The following CYP26C1 variants were observed in gnomAD, a reference collection of about 807,000 sequenced individuals.
CYP26C1 encodes the protein cytochrome P450 family 26 subfamily C member 1.
CYP26C1 carries 41 observed loss-of-function variants against 39.1 expected under a neutral mutation model. That is an observed-to-expected ratio of 1.05 (90% CI 0.82 to 1.36). The LOEUF is 1.36. CYP26C1 is among the 40% of genes most tolerant of loss of function. The probability of loss-of-function intolerance (pLI) is 0.00; values close to 1 mark genes in which losing one functional copy is unlikely to be tolerated. For missense variants in CYP26C1, 833 were observed against 752.0 expected, an observed-to-expected ratio of 1.11 and a Z score of -1.26; for synonymous variants, 362 against 350.8, an observed-to-expected ratio of 1.03 and a Z score of -0.36.
rs1846868262 is a variant in CYP26C1, at chr10:93,069,375, T to G, written c.*678T>G. On this transcript the variant is annotated 3_prime_UTR_variant, in exon 6 of 6. Transcript: ENST00000651965. The stretch of plus-strand genomic sequence containing the variant: ...TTCTTAAAAGGAAAAATTCCTACCT[T>G]AAGAAGGCATTTACTCTTGTCATGT... The G allele has an allele frequency of 6.6e-6, 1 of 152,162 alleles. No homozygotes were observed. Among genetic ancestry groups the G allele is most frequent in the Non-Finnish European group, 1.5e-5 (1 of 68,040 alleles). 9.4% of individuals were successfully genotyped at this position (152,162 alleles called of 1,614,324 possible). A position where few individuals can be genotyped will look rare whatever the true frequency, so the allele number is the denominator to read the frequency against.
rs778666638 is a variant in CYP26C1, at chr10:93,066,193, C to G, written c.1099C>G (p.Arg367Gly). The G allele has an allele frequency of 6.8e-7, 1 of 1,472,692 alleles. No homozygotes were observed. The highest frequency in any genetic ancestry group is 9.0e-7 in the Non-Finnish European group (1 of 1,114,260). 91.2% of individuals were successfully genotyped at this position (1,472,692 alleles called of 1,614,324 possible). Residue 367 changes from arginine to glycine, a missense_variant, in exon 5 of 6, where the codon CGC (arginine) becomes GGC (glycine). Arg to Gly is a moderately radical substitution (Grantham distance 125). Transcript: ENST00000651965. The stretch of plus-strand genomic sequence containing the variant: ...CAGCCTCGCGGCGCTGGGCCGTCTG[C>G]GCTACGTCGACTGCGTGGTCAAGGA... The part of the protein sequence containing the change: ...DLSLAALGRL[R>G]YVDCVVKEVL...
chr10:93,064,511 A>T lies in CYP26C1; in HGVS notation c.836A>T (p.His279Leu). The T allele has an allele frequency of 1.9e-6, 3 of 1,613,804 alleles. No homozygotes were observed. Among genetic ancestry groups the T allele is most frequent in the Non-Finnish European group, 2.5e-6 (3 of 1,179,782 alleles). ...ATTCACAGTGCAAGGGAGCTGGGCC[A>T]TGAGCCCTCCATGCAGGAGCTGAAG... ...LIIHSARELGHEPSMQELKES... is the reference protein window; with the variant it reads ...LIIHSARELGLEPSMQELKES... Residue 279 changes from histidine to leucine, a missense_variant, in exon 4 of 6, where the codon CAT becomes CTT. Coordinates refer to ENST00000651965, the MANE Select transcript of CYP26C1 (RefSeq NM_183374.3).
Position 93,061,107 on chromosome 10 carries a change from C to G in CYP26C1, c.-157C>G, listed in dbSNP as rs1307539868. 2 of 741,848 alleles carry G rather than the reference C, an allele frequency of 2.7e-6. No individual in the cohort carries two copies. Among genetic ancestry groups the G allele is most frequent in the African/African-American group, 1.8e-5 (1 of 55,292 alleles). 46.0% of individuals were successfully genotyped at this position (741,848 alleles called of 1,614,324 possible). A position where few individuals can be genotyped will look rare whatever the true frequency, so the allele number is the denominator to read the frequency against. ...TTTCACCGTCCGTCTGTTTTTAGAA[C>G]AGAGTTCTGGCCTGAGCTTATAAAT... On this transcript the variant is annotated 5_prime_UTR_variant, in exon 1 of 6. Coordinates refer to ENST00000651965, the MANE Select transcript of CYP26C1 (RefSeq NM_183374.3).
chr10:93,068,598 C>T lies in CYP26C1; in HGVS notation c.1470C>T (p.Pro490=), dbSNP rs746731720. The change falls in exon 6 of 6, where the codon CCC becomes CCT. Residue 490 remains proline (P), a synonymous_variant. Transcript: ENST00000651965. ...GGGAACTGGCCACACCCGCCTTCCCCGCCATGCAGACGGTGCCCATCGTGC... is the reference window on the plus strand; with the variant it reads ...GGGAACTGGCCACACCCGCCTTCCCTGCCATGCAGACGGTGCCCATCGTGC... ...ARWELATPAF[P]AMQTVPIVHP... is the part of the protein sequence containing the mutation. The T allele has an allele frequency of 6.3e-7, 1 of 1,598,740 alleles. No individual in the cohort carries two copies. Among genetic ancestry groups the T allele is most frequent in the East Asian group, 2.3e-5 (1 of 44,370 alleles).
chr10:93,060,820 G>T lies in CYP26C1; in HGVS notation c.-444G>T. The T allele has an allele frequency of 5.0e-6, 1 of 201,336 alleles. No homozygotes were observed. Among genetic ancestry groups the T allele is most frequent in the Non-Finnish European group, 9.9e-6 (1 of 100,532 alleles). 12.5% of individuals were successfully genotyped at this position (201,336 alleles called of 1,614,324 possible). On this transcript the variant is annotated 5_prime_UTR_variant, in exon 1 of 6. Transcript: ENST00000651965. ...AGAAGGGTTAAACGACTGGAGGAGG[G>T]ACAGGTGGGGCGGGGGTCTGCAGAC... is the stretch of plus-strand genomic sequence containing the variant.
chr10:93,069,407 A>T lies in CYP26C1; in HGVS notation c.*710A>T, dbSNP rs1846868671. ...GCATTTACTCTTGTCATGTATACAG[A>T]GGAGAATAGGCACACCAACACGTCT... is the stretch of plus-strand genomic sequence containing the variant. On this transcript the variant is annotated 3_prime_UTR_variant, in exon 6 of 6. Transcript: ENST00000651965. 1 of 152,272 alleles carries T rather than the reference A, an allele frequency of 6.6e-6. No individual in the cohort carries two copies. Among genetic ancestry groups the T allele is most frequent in the Non-Finnish European group, 1.5e-5 (1 of 68,054 alleles). 9.4% of individuals were successfully genotyped at this position (152,272 alleles called of 1,614,324 possible).
chr10:93,063,747 CTT>C, intron 3 of CYP26C1: 3 of 982,816 alleles, frequency 3.1e-6, no homozygotes, highest in Non-Finnish European at 3.6e-6. Flanking sequence ...ATTGGCCAAA[CTT>C]ATTTTATTGA....
Position 93,064,553 on chromosome 10 carries a change from C to T in CYP26C1, c.861+17C>T, listed in dbSNP as rs545011808. On this transcript the variant is annotated intron_variant, in intron 4 of 5. Transcript: ENST00000651965. ...GAGCTGAAGGTAGGTGCTGACAGGC[C>T]GCTCCTTCTCCCCTCTTTTGCATTC... 30 of 1,604,292 alleles carry T rather than the reference C, an allele frequency of 1.9e-5. No homozygotes were observed. The highest frequency in any genetic ancestry group is 3.3e-4 in the Middle Eastern group (2 of 6,004).
rs764634495 is a variant in CYP26C1, at chr10:93,061,213, C to T, written c.-51C>T. On this transcript the variant is annotated 5_prime_UTR_variant, in exon 1 of 6. Transcript: ENST00000651965. The stretch of plus-strand genomic sequence containing the variant: ...CGCACTGCTCGCGCCCCGGTTCTTG[C>T]GTCCCCTGCTCTCCCTGCGCTCTGA... 2 of 1,532,112 alleles carry T rather than the reference C, an allele frequency of 1.3e-6. No homozygotes were observed. The highest frequency in any genetic ancestry group is 1.7e-4 in the Middle Eastern group (1 of 5,984). 94.9% of individuals were successfully genotyped at this position (1,532,112 alleles called of 1,614,324 possible).
rs1391156107 is a variant in CYP26C1, at chr10:93,068,569, C to T, written c.1441C>T (p.Arg481Cys). 1.3e-6 allele frequency: 2 copies of T among 1,593,130 alleles called. No individual in the cohort carries two copies. The highest frequency in any genetic ancestry group is 2.7e-5 in the African/African-American group (2 of 74,756). The change falls in exon 6 of 6, where the codon CGC becomes TGC. Residue 481 changes from arginine (R) to cysteine (C), a missense_variant. Physicochemically the swap from Arg to Cys is radical, Grantham distance 180 (BLOSUM62 -3). Coordinates refer to ENST00000651965, the MANE Select transcript of CYP26C1 (RefSeq NM_183374.3). ...AGCTGTGGAGCTAGTGCGCACCGCG[C>T]GCTGGGAACTGGCCACACCCGCCTT... ...LLAVELVRTA[R>C]WELATPAFPA...
At chr10:93,061,626 CTCCGTT>C (rs386746591) in intron 1 of CYP26C1, among the ~76,000 whole-genome samples, 159 bp downstream of exon 1, 5 of 151,928 alleles carry the variant, frequency 3.3e-5, no homozygotes, top group Admixed American at 1.3e-4. Flanking sequence ...TACCTAGATA[CTCCGTT>C]CCCTCGAAGG....
In CYP26C1 at chr10:93,068,710, C is replaced by G. The variant is rs1263436242; in HGVS notation, c.*13C>G. 3 of 1,512,778 alleles carry G rather than the reference C, an allele frequency of 2.0e-6. No individual in the cohort carries two copies. Among genetic ancestry groups the G allele is most frequent in the Admixed American group, 2.1e-5 (1 of 47,894 alleles). 93.7% of individuals were successfully genotyped at this position (1,512,778 alleles called of 1,614,324 possible). A position where few individuals can be genotyped will look rare whatever the true frequency, so the allele number is the denominator to read the frequency against. ...GCTATGCCTCTGACATGCTTGCGCT[C>G]TAGGACACGGCTTGGCCGGTGGCTA... is the stretch of plus-strand genomic sequence containing the variant. On this transcript the variant is annotated 3_prime_UTR_variant, in exon 6 of 6. Coordinates refer to ENST00000651965, the MANE Select transcript of CYP26C1 (RefSeq NM_183374.3).
Position 93,068,351 on chromosome 10 carries a change from T to C in CYP26C1, c.1223T>C (p.Met408Thr). ...CAGATCCCCAAGGGCTGGAGCGTGA[T>C]GTATAGCATCCGGGACACGCACGAG... ...GYQIPKGWSV[M>T]YSIRDTHETA... The change falls in exon 6 of 6, where the codon ATG becomes ACG. Residue 408 changes from methionine to threonine, a missense_variant. Met to Thr is a moderately conservative substitution (Grantham distance 81). Transcript: ENST00000651965. 8 of 1,551,016 alleles carry C rather than the reference T, an allele frequency of 5.2e-6. No homozygotes were observed. The highest frequency in any genetic ancestry group is 1.4e-5 in the African/African-American group (1 of 72,448).
chr10:93,062,820 G>A lies in CYP26C1; in HGVS notation c.530G>A (p.Gly177Glu), dbSNP rs1362984456. 4.5e-6 allele frequency: 7 copies of A among 1,566,616 alleles called. No homozygotes were observed. The highest frequency in any genetic ancestry group is 6.0e-6 in the Non-Finnish European group (7 of 1,162,742). ...HEVRSWCAAG[G>E]PVSVYDASKA... is the part of the protein sequence containing the mutation. Reference sequence around the variant, plus strand: ...GTGCGCTCCTGGTGCGCGGCGGGCGGGCCGGTCTCAGTCTACGACGCCTCC... The same window carrying A: ...GTGCGCTCCTGGTGCGCGGCGGGCGAGCCGGTCTCAGTCTACGACGCCTCC... The change falls in exon 3 of 6, where the codon GGG (glycine) becomes GAG (glutamate). Residue 177 changes from glycine (G) to glutamate (E), a missense_variant. Transcript: ENST00000651965.
intron 2 of CYP26C1, 39 bp from the exon 3 acceptor site, chr10:93,062,681 C>G (rs1846766249): frequency 2.9e-6 from 4 of 1,389,898 alleles, no homozygotes; most frequent in Middle Eastern, 2.7e-4. Flanking sequence ...GCAGATGAGG[C>G]CAGACCGCCG....
At chr10:93,063,079 G>A (rs1379226670) in intron 3 of CYP26C1, 84 bp downstream of exon 3, 3 of 1,477,350 alleles carry the variant, frequency 2.0e-6, no homozygotes, top group Non-Finnish European at 2.7e-6. Flanking sequence ...CGCCCTCGGC[G>A]CACCCCGCGC....
rs994695251 is a variant in CYP26C1 at position 93,061,332 on chromosome 10, C to T, written c.69C>T (p.Gly23=). The T allele has an allele frequency of 1.3e-6, 2 of 1,592,652 alleles. No homozygotes were observed. The highest frequency in any genetic ancestry group is 1.7e-5 in the Admixed American group (1 of 57,334). Residue 23 remains glycine (G), a synonymous_variant, in exon 1 of 6, where the codon GGC becomes GGT. Transcript: ENST00000651965. ...GAAGTALLCA[G]LLLSLAQHLW... ...CGGGCACTGCTCTCCTGTGCGCGGG[C>T]CTGCTGCTCAGCCTGGCCCAGCACC...
Position 93,066,247 on chromosome 10 carries a change from G to C in CYP26C1, c.1153G>C (p.Gly385Arg). The C allele has an allele frequency of 1.4e-6, 2 of 1,462,814 alleles. No homozygotes were observed. The highest frequency in any genetic ancestry group is 1.8e-6 in the Non-Finnish European group (2 of 1,110,064). The allele number at this position is 1,462,814 out of a possible 1,614,324, so 90.6% of individuals were successfully genotyped here. A position where few individuals can be genotyped will look rare whatever the true frequency, so the allele number is the denominator to read the frequency against. ...GCTGCGCCTCCTGCCGCCAGTGTCC[G>C]GGGGCTACCGCACCGCCCTGCGCAC... ...EVLRLLPPVS[G>R]GYRTALRTFE... Residue 385 changes from glycine to arginine, a missense_variant, in exon 5 of 6, where the codon GGG becomes CGG. By Grantham distance (125) the Gly-to-Arg change is moderately radical. Transcript: ENST00000651965.
At chr10:93,064,722 C>G in intron 4 of CYP26C1, 186 bp downstream of exon 4, 1 of 1,335,276 alleles carries the variant, frequency 7.5e-7, no homozygotes, top group East Asian at 2.9e-5. Flanking sequence ...ACCTCTGCAG[C>G]CTTCAGCCTC....
Sources: gnomAD v4.1 joint callset for allele counts (sites outside exome capture counted in the v4.1 genomes callset) on GRCh38, gnomAD v4.1.1 for gene constraint, MANE v1.5 for transcripts, NCBI Gene and HGNC (gene_info 2026-07-23, HGNC 2026-07-21) for gene names.